INSYN2A: variants seen among roughly 807,000 people sequenced by gnomAD.
INSYN2A encodes the protein family with sequence similarity 196 member A.
A neutral mutation model predicts 39.4 loss-of-function variants in INSYN2A; 17 were observed. The ratio of observed to expected loss-of-function variants is 0.43; its 90% CI spans 0.30 to 0.65. The LOEUF (loss-of-function observed/expected upper bound fraction) is 0.65, where lower values mean the gene tolerates loss of function less well. Among genes scored for constraint, INSYN2A ranks in the 30% least tolerant of loss-of-function variants. The pLI is 0.14. For missense variants in INSYN2A, 595 were observed against 631.2 expected, an observed-to-expected ratio of 0.94 and a Z score of 0.61; for synonymous variants, 255 against 265.7, an observed-to-expected ratio of 0.96 and a Z score of 0.39.
rs1343657121 is a variant in INSYN2A at position 127,196,184 on chromosome 10, C to T, written c.-582G>A. 6.7e-6 allele frequency: 1 copy of T among 150,346 alleles called. No individual in the cohort carries two copies. The highest frequency in any genetic ancestry group is 1.5e-5 in the Non-Finnish European group (1 of 67,520). The allele number at this position is 150,346 out of a possible 1,614,324, so 9.3% of individuals were successfully genotyped here. Reference sequence around the variant, plus strand: ...GGCCCGCTGCGCGCCTGCTGCCCGCCCCCTCCACCGCTGCCGGCCCGGCCC... The same window carrying T: ...GGCCCGCTGCGCGCCTGCTGCCCGCTCCCTCCACCGCTGCCGGCCCGGCCC... On this transcript the variant is annotated 5_prime_UTR_variant, in exon 1 of 6. Transcript: ENST00000522781.
rs77858851 is a variant in INSYN2A at position 127,153,546 on chromosome 10, T to A, written c.1256+306A>T. ...TGAAGGGCCTATGTTTTACAGCCTTTCCAGAACACAGAGCCCAGGGCTCAC... is the reference window on the plus strand; with the variant it reads ...TGAAGGGCCTATGTTTTACAGCCTTACCAGAACACAGAGCCCAGGGCTCAC... On this transcript the variant is annotated intron_variant, in intron 5 of 5. Transcript: ENST00000522781. Among the ~76,000 whole-genome samples the A allele has an allele frequency of 1.6e-3, 239 of 152,294 alleles. 2 individuals are homozygous for A. Among genetic ancestry groups the A allele is most frequent in the African/African-American group, 5.5e-3 (228 of 41,562 alleles).
At chr10:127,156,971 A>G (rs2133586451) in intron 4 of INSYN2A, among the ~76,000 whole-genome samples, 1 of 152,328 alleles carries the variant, frequency 6.6e-6, no homozygotes, top group South Asian at 2.1e-4. Context: ...ATAGTTATTA[A>G]GTACATACTA....
rs552012765 is a variant in INSYN2A at position 127,174,096 on chromosome 10, A to C, written c.1184+1116T>G. Among the ~76,000 whole-genome samples, 3 of 152,316 alleles carry C rather than the reference A, an allele frequency of 2.0e-5. No individual in the cohort carries two copies. The East Asian group carries it at 5.8e-4, about 29-fold the overall frequency. ...GCAAACTGTCTAACTCAGCCACAGC[A>C]ATCCTCTTAAGGAAACTTTGTGCCC... On this transcript the variant is annotated intron_variant, in intron 4 of 5. Transcript: ENST00000522781.
intron 5 of INSYN2A, among the ~76,000 whole-genome samples, chr10:127,148,176 G>A (rs1160579592): frequency 2.0e-5 from 3 of 152,176 alleles, no homozygotes; most frequent in African/African-American, 7.2e-5. Context: ...GGAGCCTTGT[G>A]GCGTTCCCAT....
chr10:127,153,511 C>T (rs1017837262), intron 5 of INSYN2A, among the ~76,000 whole-genome samples: 1 of 152,196 alleles, frequency 6.6e-6, no homozygotes, highest in South Asian at 2.1e-4. Context: ...AGCCTTTGAT[C>T]TATACCCTCT....
chr10:127,154,017 C>A, intron 4 of INSYN2A, 94 bp from the exon 5 acceptor site: 1 of 830,556 alleles, frequency 1.2e-6, no homozygotes, highest in South Asian at 1.4e-5. Flanking sequence ...TTCCCAATGC[C>A]AAGCTCATCA....
At chr10:127,149,272 AGAGAAGCTC>A (rs2052230715) in intron 5 of INSYN2A, among the ~76,000 whole-genome samples, 1 of 150,186 alleles carries the variant, frequency 6.7e-6, no homozygotes, top group African/African-American at 2.4e-5. Flanking sequence ...GAGAGAGGGC[AGAGAAGCTC>A]AGCCCTAACC....
chr10:127,191,118 C>T (rs1017059276), intron 2 of INSYN2A, among the ~76,000 whole-genome samples: 1 of 152,150 alleles, frequency 6.6e-6, no homozygotes. Context: ...TACCACTTGG[C>T]TTAAGCTCCA....
chr10:127,191,063 G>A (rs1400497554), intron 2 of INSYN2A, among the ~76,000 whole-genome samples: 1 of 152,084 alleles, frequency 6.6e-6, no homozygotes. Context: ...TTTGCTGAAT[G>A]TCACTTCTCA....
intron 5 of INSYN2A, among the ~76,000 whole-genome samples, chr10:127,145,207 C>T (rs2051689144): frequency 6.6e-6 from 1 of 152,054 alleles, no homozygotes; most frequent in South Asian, 2.1e-4. Context: ...GCACAGGGGT[C>T]AGAGAACCTG....
At chr10:127,173,046 G>A (rs891101023) in intron 4 of INSYN2A, among the ~76,000 whole-genome samples, 13 of 152,160 alleles carry the variant, frequency 8.5e-5, no homozygotes, top group African/African-American at 3.1e-4. Flanking sequence ...TTGTGTGGCA[G>A]CCTGTGTGCC....
chr10:127,185,205 C>G (rs979011892), intron 2 of INSYN2A, among the ~76,000 whole-genome samples: 3 of 152,144 alleles, frequency 2.0e-5, no homozygotes, highest in Admixed American at 6.5e-5. Flanking sequence ...CTCCTATGCT[C>G]AGTCATCCTT....
intron 4 of INSYN2A, among the ~76,000 whole-genome samples, chr10:127,170,123 GGT>G (rs1416473704): frequency 6.6e-6 from 1 of 151,978 alleles, no homozygotes; most frequent in African/African-American, 2.4e-5. Context: ...CCCATGATGG[GGT>G]GGCAGGGATG....
At chr10:127,139,547 A>G (rs1185318357) in intron 5 of INSYN2A, among the ~76,000 whole-genome samples, 1 of 152,194 alleles carries the variant, frequency 6.6e-6, no homozygotes, top group Non-Finnish European at 1.5e-5. Flanking sequence ...TTGCTAATCC[A>G]GACTACGTGA....
chr10:127,184,982 A>T (rs1323657304), intron 2 of INSYN2A, among the ~76,000 whole-genome samples: 2 of 152,276 alleles, frequency 1.3e-5, no homozygotes, highest in South Asian at 2.1e-4. Flanking sequence ...AGCAGGAGAG[A>T]GACACGTTGA....
chr10:127,140,509 C>G (rs933898364), intron 5 of INSYN2A, among the ~76,000 whole-genome samples: 2 of 152,182 alleles, frequency 1.3e-5, no homozygotes, highest in African/African-American at 4.8e-5. Context: ...TGGGATGACG[C>G]CCGTGCACCA....
chr10:127,145,329 C>T (rs2051704823), intron 5 of INSYN2A, among the ~76,000 whole-genome samples: 1 of 152,162 alleles, frequency 6.6e-6, no homozygotes, highest in African/African-American at 2.4e-5. Flanking sequence ...CTAACAGCAC[C>T]GCCACATGTC....
In INSYN2A at chr10:127,143,960, C is replaced by T. The variant is rs963138351; in HGVS notation, c.1257-5940G>A. ...CTGTCCTTCCAGACTCAGCCTGCAG[C>T]CCCCATTCATCTCCCTGGATGACTG... is the stretch of plus-strand genomic sequence containing the variant. On this transcript the variant is annotated intron_variant, in intron 5 of 5. Transcript: ENST00000522781. 5.9e-5 allele frequency among the ~76,000 whole-genome samples: 9 copies of T among 152,268 alleles called. No individual in the cohort carries two copies. The East Asian group carries it at 1.5e-3, about 26-fold the overall frequency.
In INSYN2A at chr10:127,174,869, A is replaced by G. The variant is rs369554489; in HGVS notation, c.1184+343T>C. ...CTGATTCTCTTCTTATTTAGAATAG[A>G]TATTTTGGACTGGCATATGTTGTTA... On this transcript the variant is annotated intron_variant, in intron 4 of 5. Coordinates refer to ENST00000522781, the MANE Select transcript of INSYN2A (RefSeq NM_001039762.3). Among the ~76,000 whole-genome samples the G allele has an allele frequency of 2.0e-5, 3 of 152,304 alleles. No individual in the cohort carries two copies. The East Asian group carries it at 5.8e-4, about 29-fold the overall frequency.
Sources: gnomAD v4.1 joint callset for allele counts (sites outside exome capture counted in the v4.1 genomes callset) on GRCh38, gnomAD v4.1.1 for gene constraint, MANE v1.5 for transcripts, NCBI Gene and HGNC (gene_info 2026-07-23, HGNC 2026-07-21) for gene names.